MORC1: variants seen among roughly 807,000 people sequenced by gnomAD.
The protein encoded by MORC1 is MORC family CW-type zinc finger 1, also known as MORC family CW-type zinc finger protein 1.
MORC1 carries 59 observed loss-of-function variants against 134.9 expected under a neutral mutation model. That is an observed-to-expected ratio of 0.44 (90% CI 0.35 to 0.54). The LOEUF is 0.54. Ranked by LOEUF, MORC1 falls within the 20% of genes least tolerant of loss-of-function variation. MORC1 has a pLI of 0.00. For synonymous variants in MORC1, 395 were observed against 391.7 expected (o/e 1.01, Z -0.10); for missense variants, 947 against 1,134.5 (o/e 0.83, Z 2.37).
At chr3:109,105,238 A>G (rs1951004884) in intron 3 of MORC1, among the ~76,000 whole-genome samples, 1 of 151,876 alleles carries the variant, frequency 6.6e-6, no homozygotes, top group Non-Finnish European at 1.5e-5. Context: ...AAAAATAAAA[A>G]AATAGGCTGG....
At chr3:109,059,701 GA>G in intron 12 of MORC1, 104 bp downstream of exon 12, 50 of 889,172 alleles carry the variant, frequency 5.6e-5, no homozygotes, top group Middle Eastern at 3.4e-4. Flanking sequence ...GTCACAAGCT[GA>G]AAAAAAATTG....
chr3:108,967,129 C>G (rs1947242715), intron 26 of MORC1, among the ~76,000 whole-genome samples: 1 of 152,100 alleles, frequency 6.6e-6, no homozygotes, highest in South Asian at 2.1e-4. Context: ...GACTGTTTAT[C>G]TCGCTTTGAT....
chr3:109,114,085 TCAAGA>T (rs1951223786), intron 2 of MORC1, among the ~76,000 whole-genome samples: 4 of 152,232 alleles, frequency 2.6e-5, no homozygotes, highest in South Asian at 2.1e-4. Context: ...GTGTAAATTC[TCAAGA>T]CAAGTATACA....
chr3:109,087,129 C>T (rs1415368605), intron 8 of MORC1, among the ~76,000 whole-genome samples: 1 of 151,664 alleles, frequency 6.6e-6, no homozygotes, highest in East Asian at 1.9e-4. Context: ...CCCACTCCAT[C>T]CTCTGCCCCC....
At chr3:109,052,495 G>A (rs2107662921) in intron 14 of MORC1, among the ~76,000 whole-genome samples, 1 of 152,224 alleles carries the variant, frequency 6.6e-6, no homozygotes, top group Non-Finnish European at 1.5e-5. Context: ...CACACTCTGA[G>A]TATGTTTTAG....
At position 108,996,286 on chromosome 3, in the gene MORC1, G is replaced by GCA. The variant is rs66629906; in HGVS notation, c.2187+4269_2187+4270dup. 7.4e-3 allele frequency among the ~76,000 whole-genome samples: 1,091 copies of GCA among 146,458 alleles called. 20 individuals are homozygous for GCA. Among genetic ancestry groups the GCA allele is most frequent in the East Asian group, 0.055 (274 of 4,942 alleles). Reference sequence around the variant, plus strand: ...CATGTGCGCGTGCGTGCGCGCGCGCGCACACACACACACACACACACAACT... The same window carrying GCA: ...CATGTGCGCGTGCGTGCGCGCGCGCGCACACACACACACACACACACACAACT... On this transcript the variant is annotated intron_variant, in intron 21 of 27. Transcript: ENST00000232603.
intron 14 of MORC1, among the ~76,000 whole-genome samples, chr3:109,047,517 A>G (rs930898298): frequency 1.3e-5 from 2 of 152,128 alleles, no homozygotes; most frequent in Admixed American, 1.3e-4. Context: ...ACCAGCTGAA[A>G]GCAATGTAAA....
intron 25 of MORC1, among the ~76,000 whole-genome samples, chr3:108,970,309 G>C (rs1168000702): frequency 6.6e-6 from 1 of 152,062 alleles, no homozygotes; most frequent in Non-Finnish European, 1.5e-5. Flanking sequence ...AAATAAAATG[G>C]GCAGTGTGCA....
intron 27 of MORC1, among the ~76,000 whole-genome samples, chr3:108,960,071 A>G (rs1947041094): frequency 6.6e-6 from 1 of 152,220 alleles, no homozygotes; most frequent in African/African-American, 2.4e-5. Context: ...ATCAGCAGTT[A>G]ACAAATAACA....
intron 6 of MORC1, among the ~76,000 whole-genome samples, chr3:109,098,766 A>G (rs575286283): frequency 1.3e-5 from 2 of 152,306 alleles, no homozygotes; most frequent in African/African-American, 4.8e-5. Context: ...GAAGACTCTT[A>G]GATGGCCATA....
rs116244852 is a variant in MORC1 at position 109,056,616 on chromosome 3, C to T, written c.1175+727G>A. Among the ~76,000 whole-genome samples the T allele has an allele frequency of 5.1e-3, 780 of 152,328 alleles. 18 individuals are homozygous for T. Among genetic ancestry groups the T allele is most frequent in the African/African-American group, 0.018 (749 of 41,576 alleles). ...TGCTTGTCCTTTTCACTGGACTATA[C>T]ATTCCTTAGCAAAAGGAGCATTTAT... On this transcript the variant is annotated intron_variant, in intron 13 of 27. Transcript: ENST00000232603.
rs533634908 is a variant in MORC1 at position 108,959,001 on chromosome 3, G to T, written c.2919C>A (p.Leu973=). Reference sequence around the variant, plus strand: ...AAGTCTTTTCATTTTTTTCTAAAGGGAGTCTATGTCTTGCATCTATAGTTA... The same window carrying T: ...AAGTCTTTTCATTTTTTTCTAAAGGTAGTCTATGTCTTGCATCTATAGTTA... ...NKVTIDARHR[L]PLEKNEKTSE... Residue 973 remains leucine, a synonymous_variant, in exon 28 of 28, where the codon CTC becomes CTA. Coordinates refer to ENST00000232603, the MANE Select transcript of MORC1 (RefSeq NM_014429.4). The T allele has an allele frequency of 3.5e-5, 54 of 1,524,004 alleles. No homozygotes were observed. Among genetic ancestry groups the T allele is most frequent in the Middle Eastern group, 4.2e-4 (2 of 4,716 alleles). The allele number at this position is 1,524,004 out of a possible 1,614,324, so 94.4% of individuals were successfully genotyped here. A position where few individuals can be genotyped will look rare whatever the true frequency, so the allele number is the denominator to read the frequency against.
intron 14 of MORC1, among the ~76,000 whole-genome samples, chr3:109,039,337 G>A (rs1012195198): frequency 6.6e-6 from 1 of 152,096 alleles, no homozygotes; most frequent in South Asian, 2.1e-4. Context: ...TATAGTTGTG[G>A]GCAAGCCACT....
chr3:109,063,782 T>A (rs570688054), intron 9 of MORC1, among the ~76,000 whole-genome samples: 1 of 152,186 alleles, frequency 6.6e-6, no homozygotes, highest in South Asian at 2.1e-4. Flanking sequence ...AGGAAAAAAA[T>A]ATACATACAT....
intron 20 of MORC1, 82 bp downstream of exon 20, chr3:109,004,735 T>C (rs1948495629): frequency 7.5e-6 from 10 of 1,329,088 alleles, no homozygotes; most frequent in South Asian, 6.4e-5. Context: ...CTATAAAGCA[T>C]TGAATGCAAA....
chr3:109,083,107 G>T (rs981489875), intron 8 of MORC1, among the ~76,000 whole-genome samples: 1 of 152,072 alleles, frequency 6.6e-6, no homozygotes, highest in East Asian at 1.9e-4. Flanking sequence ...AATCATACAG[G>T]ACAGTAGACA....
intron 11 of MORC1, among the ~76,000 whole-genome samples, chr3:109,060,628 T>G (rs568186983): frequency 6.6e-6 from 1 of 152,258 alleles, no homozygotes; most frequent in African/African-American, 2.4e-5. Flanking sequence ...TGGAAAATGG[T>G]TGGCAAGTAT....
At chr3:108,997,498 A>C (rs982643512) in intron 21 of MORC1, among the ~76,000 whole-genome samples, 10 of 152,164 alleles carry the variant, frequency 6.6e-5, no homozygotes, top group Admixed American at 6.5e-5. Flanking sequence ...ACACAGGGAG[A>C]CTCTGTCTCA....
At chr3:109,076,109 T>A (rs190763978) in intron 8 of MORC1, among the ~76,000 whole-genome samples, 1 of 152,178 alleles carries the variant, frequency 6.6e-6, no homozygotes, top group Non-Finnish European at 1.5e-5. Flanking sequence ...CTATCCAGAA[T>A]CTACAAGGAA....
Sources: gnomAD v4.1 joint callset for allele counts (sites outside exome capture counted in the v4.1 genomes callset) on GRCh38, gnomAD v4.1.1 for gene constraint, MANE v1.5 for transcripts, NCBI Gene and HGNC (gene_info 2026-07-23, HGNC 2026-07-21) for gene names.